SLC24A3: variants seen among roughly 807,000 people sequenced by gnomAD.
SLC24A3 encodes the protein solute carrier family 24 member 3.
A neutral mutation model predicts 75.8 loss-of-function variants in SLC24A3; 28 were observed. The ratio of observed to expected loss-of-function variants is 0.37; its 90% CI spans 0.27 to 0.51. The LOEUF is 0.51. Among genes scored for constraint, SLC24A3 ranks in the 20% least tolerant of loss-of-function variants. The pLI, the probability that SLC24A3 is intolerant of heterozygous loss-of-function variation, is 0.94. For synonymous variants in SLC24A3, 372 were observed against 334.1 expected (o/e 1.11, Z -1.24); for missense variants, 663 against 847.8 (o/e 0.78, Z 2.71).
chr20:19,269,755 C>CAT (rs34659801), intron 1 of SLC24A3, among the ~76,000 whole-genome samples: 25,685 of 152,054 alleles, frequency 0.17, 2,305 homozygotes, highest in African/African-American at 0.21. Context: ...GCCTGAGAAA[C>CAT]GTGGTTCATT....
At chr20:19,449,271 G>A (rs1448541366) in intron 2 of SLC24A3, among the ~76,000 whole-genome samples, 1 of 152,206 alleles carries the variant, frequency 6.6e-6, no homozygotes, top group Non-Finnish European at 1.5e-5. Context: ...GCAGCTTTGC[G>A]AGGCTTTGGA....
chr20:19,693,525 A>G, intron 13 of SLC24A3, 100 bp downstream of exon 13: 4 of 1,436,948 alleles, frequency 2.8e-6, no homozygotes, highest in Non-Finnish European at 3.7e-6. Context: ...CTAGTCAGCT[A>G]TTGCTACAAT....
At chr20:19,484,820 A>G (rs962956824) in intron 2 of SLC24A3, among the ~76,000 whole-genome samples, 8 of 152,312 alleles carry the variant, frequency 5.3e-5, no homozygotes, top group Admixed American at 3.3e-4. Context: ...AAGGGTTATG[A>G]TGAAAAATTT....
intron 6 of SLC24A3, among the ~76,000 whole-genome samples, chr20:19,633,602 T>C (rs1306772343): frequency 8.4e-6 from 1 of 119,042 alleles, no homozygotes; most frequent in Admixed American, 1.2e-4. Flanking sequence ...TGAGCCGAGA[T>C]CCCGCCACTG....
chr20:19,542,769 G>A (rs1316098552), intron 3 of SLC24A3, among the ~76,000 whole-genome samples: 1 of 152,178 alleles, frequency 6.6e-6, no homozygotes, highest in East Asian at 1.9e-4. Context: ...GCCCCTCTGA[G>A]ATCATAAACC....
chr20:19,538,704 C>T (rs2122584710), intron 3 of SLC24A3, among the ~76,000 whole-genome samples: 1 of 152,324 alleles, frequency 6.6e-6, no homozygotes, highest in South Asian at 2.1e-4. Context: ...CTCTGTAAAA[C>T]TGCTTGGCAC....
At chr20:19,400,013 A>G (rs927420406) in intron 2 of SLC24A3, among the ~76,000 whole-genome samples, 2 of 152,182 alleles carry the variant, frequency 1.3e-5, no homozygotes, top group Admixed American at 1.3e-4. Flanking sequence ...AAATTTTTTT[A>G]TATCTTCCAT....
At chr20:19,468,443 A>C (rs1358402144) in intron 2 of SLC24A3, among the ~76,000 whole-genome samples, 1 of 152,068 alleles carries the variant, frequency 6.6e-6, no homozygotes, top group African/African-American at 2.4e-5. Context: ...CCATTTTAAC[A>C]GCAAGCAGGA....
intron 2 of SLC24A3, among the ~76,000 whole-genome samples, chr20:19,295,445 A>C (rs781162637): frequency 8.5e-5 from 13 of 152,274 alleles, no homozygotes; most frequent in Non-Finnish European, 1.5e-4. Context: ...TTTTAAGGGG[A>C]ATGCTTCCAG....
At chr20:19,246,851 G>T (rs1982503406) in intron 1 of SLC24A3, among the ~76,000 whole-genome samples, 1 of 151,770 alleles carries the variant, frequency 6.6e-6, no homozygotes, top group Non-Finnish European at 1.5e-5. Flanking sequence ...CTATCTTGTT[G>T]TCTGCAAAGC....
At chr20:19,322,009 G>A (rs1305710625) in intron 2 of SLC24A3, among the ~76,000 whole-genome samples, 1 of 152,140 alleles carries the variant, frequency 6.6e-6, no homozygotes, top group East Asian at 1.9e-4. Context: ...ATTAGATGCA[G>A]GATGAACATC....
chr20:19,432,150 G>A (rs773804666), intron 2 of SLC24A3, among the ~76,000 whole-genome samples: 3 of 151,972 alleles, frequency 2.0e-5, no homozygotes, highest in Non-Finnish European at 4.4e-5. Context: ...GACAAAATAT[G>A]CAGCATGTCA....
intron 2 of SLC24A3, among the ~76,000 whole-genome samples, chr20:19,363,878 A>G (rs986733705): frequency 6.6e-6 from 1 of 152,174 alleles, no homozygotes. Context: ...ATTGGGTCCA[A>G]TTGCAAAGAT....
chr20:19,466,420 C>G (rs1184534258), intron 2 of SLC24A3, among the ~76,000 whole-genome samples: 2 of 152,138 alleles, frequency 1.3e-5, no homozygotes, highest in African/African-American at 2.4e-5. Flanking sequence ...CTTTTTGCAG[C>G]CAGTGTGCAG....
At chr20:19,334,262 C>T (rs370006045) in intron 2 of SLC24A3, among the ~76,000 whole-genome samples, 9 of 152,226 alleles carry the variant, frequency 5.9e-5, no homozygotes, top group East Asian at 1.9e-4. Context: ...ATTCTCAGTG[C>T]AGTCAAATGT....
At chr20:19,550,815 A>G (rs2030681586) in intron 3 of SLC24A3, among the ~76,000 whole-genome samples, 1 of 152,206 alleles carries the variant, frequency 6.6e-6, no homozygotes, top group Non-Finnish European at 1.5e-5. Flanking sequence ...AATGAAGAGC[A>G]TGACCCATTA....
At chr20:19,682,399 G>A (rs187944772) in intron 10 of SLC24A3, among the ~76,000 whole-genome samples, 2 of 152,292 alleles carry the variant, frequency 1.3e-5, no homozygotes, top group Admixed American at 6.5e-5. Flanking sequence ...TCCCTGCCCC[G>A]AGAGAGCAGA....
At chr20:19,382,567 G>A (rs2042256564) in intron 2 of SLC24A3, among the ~76,000 whole-genome samples, 1 of 152,130 alleles carries the variant, frequency 6.6e-6, no homozygotes, top group Non-Finnish European at 1.5e-5. Flanking sequence ...TTTGGGAGCT[G>A]CTCAAGCCCT....
chr20:19,530,128 C>G (rs576226931), intron 3 of SLC24A3, among the ~76,000 whole-genome samples: 1 of 152,066 alleles, frequency 6.6e-6, no homozygotes, highest in East Asian at 1.9e-4. Flanking sequence ...TAAAAAGCTC[C>G]TCTGTGAATG....
Sources: allele counts gnomAD v4.1 joint callset (sites outside exome capture counted in the v4.1 genomes callset), GRCh38; gene constraint gnomAD v4.1.1; transcripts MANE v1.5; gene names NCBI Gene and HGNC (gene_info 2026-07-23, HGNC 2026-07-21).